Variants in ARHGAP10 observed in about 807,000 individuals in gnomAD.
ARHGAP10 encodes Rho GTPase activating protein 10.
Under a neutral mutation model 108.6 loss-of-function variants are expected in ARHGAP10, and 87 were observed. The observed-to-expected ratio is 0.80, with a 90% CI of 0.67 to 0.96. The LOEUF is 0.96. Ranked by LOEUF, ARHGAP10 falls within the 40% of genes least tolerant of loss-of-function variation. The pLI, the probability that ARHGAP10 is intolerant of heterozygous loss-of-function variation, is 0.00. For synonymous variants in ARHGAP10, 347 were observed against 341.1 expected (o/e 1.02, Z -0.19); for missense variants, 939 against 954.5 (o/e 0.98, Z 0.21).
At chr4:147,943,279 G>C (rs571650669) in intron 14 of ARHGAP10, among the ~76,000 whole-genome samples, 43 of 152,306 alleles carry the variant, frequency 2.8e-4, no homozygotes, top group Middle Eastern at 3.4e-3. Context: ...AGGGCTGGAT[G>C]ACCTTATTTT....
At chr4:147,998,214 G>A (rs1740556737) in intron 18 of ARHGAP10, among the ~76,000 whole-genome samples, 1 of 152,152 alleles carries the variant, frequency 6.6e-6, no homozygotes, top group African/African-American at 2.4e-5. Flanking sequence ...GAGATAAACT[G>A]TGGGCTAGTC....
chr4:147,958,432 T>C (rs17024201), intron 16 of ARHGAP10, among the ~76,000 whole-genome samples: 6,967 of 152,310 alleles, frequency 0.046, 519 homozygotes, highest in African/African-American at 0.16. Flanking sequence ...CAAAGGTCTT[T>C]GGTTATTTAT....
At chr4:147,869,998 T>TTGTGTG (rs1553958575) in intron 7 of ARHGAP10, among the ~76,000 whole-genome samples, 3 of 93,068 alleles carry the variant, frequency 3.2e-5, no homozygotes, top group Admixed American at 1.1e-4. Flanking sequence ...AAGTCCCAGT[T>TTGTGTG]TGTGTGTGTG....
chr4:147,791,919 A>G (rs1731141440), intron 1 of ARHGAP10, among the ~76,000 whole-genome samples: 2 of 152,146 alleles, frequency 1.3e-5, no homozygotes, highest in South Asian at 4.1e-4. Flanking sequence ...CTGTTGTCAG[A>G]TATTTTTGGA....
intron 1 of ARHGAP10, among the ~76,000 whole-genome samples, chr4:147,789,960 G>A (rs1267224672): frequency 1.3e-5 from 2 of 148,894 alleles, no homozygotes; most frequent in Non-Finnish European, 3.0e-5. Flanking sequence ...AGGTGTGTTC[G>A]TAATGAACAG....
rs201507812 is a variant in ARHGAP10 at position 147,988,171 on chromosome 4, TG to T, written c.1716+21333del. On this transcript the variant is annotated intron_variant, in intron 18 of 22. Transcript: ENST00000336498. ...TCCTTAGGAAAACAGATGGAGCGTG[TG>T]TGTCTGGTCAACATAGTTTTAGGTA... 3.9e-3 allele frequency among the ~76,000 whole-genome samples: 597 copies of T among 152,338 alleles called. 5 individuals carry two copies. Among genetic ancestry groups the T allele is most frequent in the African/African-American group, 0.013 (558 of 41,572 alleles).
intron 18 of ARHGAP10, among the ~76,000 whole-genome samples, chr4:147,982,729 C>G (rs912692192): frequency 2.6e-5 from 4 of 151,812 alleles, no homozygotes; most frequent in Non-Finnish European, 4.4e-5. Context: ...ATTTTAACCT[C>G]TCAAGCAAGA....
At chr4:147,753,354 T>TC (rs1222134800) in intron 1 of ARHGAP10, among the ~76,000 whole-genome samples, 1 of 63,914 alleles carries the variant, frequency 1.6e-5, no homozygotes, top group Non-Finnish European at 6.1e-5. Flanking sequence ...TCTTTTCTTT[T>TC]CTTTTTTTTT....
intron 13 of ARHGAP10, among the ~76,000 whole-genome samples, chr4:147,936,970 A>G (rs1041860526): frequency 1.3e-5 from 2 of 152,210 alleles, no homozygotes; most frequent in Admixed American, 6.5e-5. Context: ...TAGGAGTGCA[A>G]ACCCTATTGT....
At chr4:147,910,010 T>G (rs1448663748) in intron 12 of ARHGAP10, among the ~76,000 whole-genome samples, 1 of 150,570 alleles carries the variant, frequency 6.6e-6, no homozygotes, top group Non-Finnish European at 1.5e-5. Flanking sequence ...TGTGGGCTTT[T>G]CTTTTCTTTT....
At chr4:147,933,301 A>G (rs544750964) in intron 13 of ARHGAP10, among the ~76,000 whole-genome samples, 1 of 152,272 alleles carries the variant, frequency 6.6e-6, no homozygotes, top group East Asian at 1.9e-4. Context: ...CAGTCATAGC[A>G]CACTATGGCC....
intron 22 of ARHGAP10, among the ~76,000 whole-genome samples, chr4:148,067,509 G>A (rs1215125131): frequency 6.6e-6 from 1 of 152,198 alleles, no homozygotes; most frequent in East Asian, 1.9e-4. Context: ...AGACAGCTCA[G>A]CCCACAGGAG....
At chr4:147,983,751 G>C (rs1739922146) in intron 18 of ARHGAP10, among the ~76,000 whole-genome samples, 1 of 150,256 alleles carries the variant, frequency 6.7e-6, no homozygotes, top group Admixed American at 6.6e-5. Context: ...CTTTGATCTT[G>C]TTGCATTTCT....
chr4:148,008,154 G>T (rs1258731948), intron 18 of ARHGAP10, among the ~76,000 whole-genome samples: 1 of 152,104 alleles, frequency 6.6e-6, no homozygotes. Flanking sequence ...TGCTTGTCTT[G>T]TGTAGCTGCT....
chr4:148,018,946 T>G (rs1008433954), intron 18 of ARHGAP10, among the ~76,000 whole-genome samples: 8 of 152,246 alleles, frequency 5.3e-5, no homozygotes, highest in Non-Finnish European at 1.2e-4. Context: ...TTGAGATTAT[T>G]AAACTGCTTA....
chr4:147,946,989 C>T (rs1050335144), intron 15 of ARHGAP10, among the ~76,000 whole-genome samples: 4 of 152,012 alleles, frequency 2.6e-5, no homozygotes, highest in South Asian at 2.1e-4. Context: ...AACAACTCGT[C>T]GAGGCTGATG....
Position 148,022,086 on chromosome 4 carries a change from C to T in ARHGAP10, c.1717-1177C>T, listed in dbSNP as rs571159923. Among the ~76,000 whole-genome samples the T allele has an allele frequency of 7.9e-5, 12 of 152,188 alleles. No individual in the cohort carries two copies. In the South Asian group the frequency reaches 2.1e-3, roughly 26 times the overall value. On this transcript the variant is annotated intron_variant, in intron 18 of 22. Coordinates refer to ENST00000336498, the MANE Select transcript of ARHGAP10 (RefSeq NM_024605.4). ...GTAAGTGATATACCCTCACTTGTAT[C>T]GAAGGTTGTGTACCACTTTTAATAT... is the stretch of plus-strand genomic sequence containing the variant.
chr4:147,907,170 G>A (rs1736530838), intron 11 of ARHGAP10, among the ~76,000 whole-genome samples: 1 of 152,156 alleles, frequency 6.6e-6, no homozygotes, highest in Non-Finnish European at 1.5e-5. Flanking sequence ...TTTACAGTAT[G>A]CAGTATTATG....
chr4:148,064,716 C>T (rs1729788222), intron 22 of ARHGAP10, among the ~76,000 whole-genome samples: 2 of 128,954 alleles, frequency 1.6e-5, no homozygotes, highest in African/African-American at 5.7e-5. Flanking sequence ...ATGCTTGCTT[C>T]TTGATTACTC....
Sources: gnomAD v4.1 joint callset for allele counts (sites outside exome capture counted in the v4.1 genomes callset) on GRCh38, gnomAD v4.1.1 for gene constraint, MANE v1.5 for transcripts, NCBI Gene and HGNC (gene_info 2026-07-23, HGNC 2026-07-21) for gene names.